Variants in PARD3B observed in about 807,000 individuals in gnomAD.
PARD3B encodes the protein partitioning defective 3 homolog B.
PARD3B carries 103 observed loss-of-function variants against 130.2 expected under a neutral mutation model. The ratio of observed to expected loss-of-function variants is 0.79; its 90% CI spans 0.67 to 0.93. The LOEUF (loss-of-function observed/expected upper bound fraction) is 0.93, where lower values mean the gene tolerates loss of function less well. Ranked by LOEUF, PARD3B falls within the 40% of genes least tolerant of loss-of-function variation. PARD3B has a pLI of 0.00. For missense variants in PARD3B, 1,609 were observed against 1,499.2 expected, an observed-to-expected ratio of 1.07 and a Z score of -1.21; for synonymous variants, 583 against 553.2, an observed-to-expected ratio of 1.05 and a Z score of -0.76.
intron 22 of PARD3B, among the ~76,000 whole-genome samples, chr2:205,576,197 C>G (rs751532660): frequency 2.0e-5 from 3 of 152,098 alleles, no homozygotes; most frequent in Non-Finnish European, 4.4e-5. Context: ...CTGTTAAGGT[C>G]TTTGGCCCAT....
intron 1 of PARD3B, among the ~76,000 whole-genome samples, chr2:204,585,116 G>C (rs2032759801): frequency 6.6e-6 from 1 of 152,140 alleles, no homozygotes; most frequent in South Asian, 2.1e-4. Context: ...TGCATGTGTT[G>C]GGTGGATACC....
chr2:205,202,300 G>T (rs1253171895), intron 15 of PARD3B, among the ~76,000 whole-genome samples: 1 of 152,162 alleles, frequency 6.6e-6, no homozygotes, highest in African/African-American at 2.4e-5. Context: ...AACCATTTGA[G>T]TTGGAAGCAA....
intron 3 of PARD3B, among the ~76,000 whole-genome samples, chr2:205,045,085 G>A (rs1241013943): frequency 1.3e-5 from 2 of 148,900 alleles, no homozygotes; most frequent in African/African-American, 4.9e-5. Context: ...TTCCTGATAT[G>A]TTTAAGAAAG....
chr2:205,110,602 T>G (rs1703559112), intron 5 of PARD3B, among the ~76,000 whole-genome samples: 1 of 151,874 alleles, frequency 6.6e-6, no homozygotes, highest in African/African-American at 2.4e-5. Flanking sequence ...AATATTTTTC[T>G]TTTATCTCAC....
rs747863617 is a variant in PARD3B, at chr2:205,264,137, C to T, written c.2185+18315C>T. 6.0e-5 allele frequency among the ~76,000 whole-genome samples: 9 copies of T among 150,862 alleles called. 1 individual carries two copies. Among genetic ancestry groups the T allele is most frequent in the South Asian group, 2.1e-4 (1 of 4,760 alleles). ...AATAGAAAGAATCATGAAGAAGGGT[C>T]AAGTTATGAGAATGAAAGTATGAGT... is the stretch of plus-strand genomic sequence containing the variant. On this transcript the variant is annotated intron_variant, in intron 16 of 22. Transcript: ENST00000406610.
rs1310544599 is a variant in PARD3B, at chr2:205,473,693, TATATATATATATATATAC to T, written c.3045-26201_3045-26184del. Among the ~76,000 whole-genome samples the T allele has an allele frequency of 1.4e-4, 18 of 130,726 alleles. No individual in the cohort carries two copies. Among genetic ancestry groups the T allele is most frequent in the African/African-American group, 4.0e-4 (11 of 27,582 alleles). 85.8% of individuals were successfully genotyped at this position (130,726 alleles called of 152,430 possible). ...GTGTGTGTGTGTGTATGTATATATA[TATATATATATATATATAC>T]ACACACACGTATATAAAACCCTAAA... is the stretch of plus-strand genomic sequence containing the variant. On this transcript the variant is annotated intron_variant, in intron 20 of 22. Transcript: ENST00000406610. The surrounding 1 kb of genome is among the most constrained non-coding windows in gnomAD (Gnocchi z 4.9).
chr2:204,631,283 C>G (rs1005245581), intron 1 of PARD3B, among the ~76,000 whole-genome samples: 2 of 149,468 alleles, frequency 1.3e-5, no homozygotes, highest in Admixed American at 6.7e-5. Flanking sequence ...CAGAGTCTCG[C>G]TCTGTCACCA....
intron 4 of PARD3B, among the ~76,000 whole-genome samples, chr2:205,072,715 T>C (rs1303879259): frequency 6.6e-6 from 1 of 152,212 alleles, no homozygotes; most frequent in East Asian, 1.9e-4. Flanking sequence ...AATAATATCC[T>C]TCTCTGTAAC....
rs1331020159 is a variant in PARD3B, at chr2:205,104,466, G to A, written c.545G>A (p.Gly182Asp). Residue 182 changes from glycine (G) to aspartate (D), a missense_variant, in exon 5 of 23, where the codon GGT becomes GAT. By Grantham distance (94) the Gly-to-Asp change is moderately conservative. Coordinates refer to ENST00000406610, the MANE Select transcript of PARD3B (RefSeq NM_001302769.2). ...QNLEDREVLN[G>D]VQTELLTSPR... Reference sequence around the variant, plus strand: ...TTGGAAGACAGAGAAGTTTTGAATGGTGTACAGACAGAACTACTAACTTCG... The same window carrying A: ...TTGGAAGACAGAGAAGTTTTGAATGATGTACAGACAGAACTACTAACTTCG... 4 of 1,603,342 alleles carry A rather than the reference G, an allele frequency of 2.5e-6. No homozygotes were observed. Among genetic ancestry groups the A allele is most frequent in the Admixed American group, 1.7e-5 (1 of 59,988 alleles).
At chr2:204,965,846 G>A (rs1691194883) in intron 3 of PARD3B, among the ~76,000 whole-genome samples, 1 of 152,148 alleles carries the variant, frequency 6.6e-6, no homozygotes, top group African/African-American at 2.4e-5. Context: ...CATTATATTT[G>A]TAGAATGAGA....
intron 3 of PARD3B, 88 bp downstream of exon 3, chr2:204,965,411 A>C: frequency 7.6e-7 from 1 of 1,316,750 alleles, no homozygotes; most frequent in South Asian, 1.3e-5. Context: ...TGTGACTTTC[A>C]TCCTGTTAAT....
intron 2 of PARD3B, among the ~76,000 whole-genome samples, chr2:204,754,177 A>T (rs530549507): frequency 4.6e-5 from 7 of 152,162 alleles, no homozygotes; most frequent in Non-Finnish European, 8.8e-5. Context: ...GGATCCATGG[A>T]CTTCTGTATT....
At chr2:205,140,095 C>A (rs916703726) in intron 10 of PARD3B, among the ~76,000 whole-genome samples, 1 of 152,202 alleles carries the variant, frequency 6.6e-6, no homozygotes, top group African/African-American at 2.4e-5. Context: ...AGCACACAGC[C>A]AGGCCAGGGG....
chr2:204,655,575 G>A (rs902139678), intron 1 of PARD3B, among the ~76,000 whole-genome samples: 9 of 152,150 alleles, frequency 5.9e-5, no homozygotes, highest in Admixed American at 5.9e-4. Context: ...TATTAAGCAT[G>A]TTTATAGTGT....
intron 3 of PARD3B, among the ~76,000 whole-genome samples, chr2:204,997,608 CTAA>C (rs1340048716): frequency 6.6e-6 from 1 of 151,634 alleles, no homozygotes; most frequent in Non-Finnish European, 1.5e-5. Context: ...TTCGTGGACA[CTAA>C]TAATTTAACT....
At chr2:205,334,951 G>C (rs186344621) in intron 18 of PARD3B, among the ~76,000 whole-genome samples, 507 of 152,224 alleles carry the variant, frequency 3.3e-3, no homozygotes, top group Admixed American at 6.6e-3. Flanking sequence ...GGTTTCATAC[G>C]TTTCTCCATG....
rs1359196645 is a variant in PARD3B at position 205,591,466 on chromosome 2, C to A, written c.3261-23990C>A. Among the ~76,000 whole-genome samples the A allele has an allele frequency of 2.0e-5, 3 of 152,210 alleles. No individual in the cohort carries two copies. On this transcript the variant is annotated intron_variant, in intron 22 of 22. Coordinates refer to ENST00000406610, the MANE Select transcript of PARD3B (RefSeq NM_001302769.2). The surrounding 1 kb of genome is among the most constrained non-coding windows in gnomAD (Gnocchi z 4.2). Reference sequence around the variant, plus strand: ...ACCATTATCAGTCACTTACCACACCCATGCACCATGCTGAGTGCTTTACAG... The same window carrying A: ...ACCATTATCAGTCACTTACCACACCAATGCACCATGCTGAGTGCTTTACAG...
chr2:205,166,867 G>A (rs931990047), intron 11 of PARD3B, among the ~76,000 whole-genome samples: 44 of 152,084 alleles, frequency 2.9e-4, no homozygotes, highest in African/African-American at 1.1e-3. Flanking sequence ...AATATCCCAG[G>A]AGGCCGTACC....
At chr2:204,936,184 C>T (rs1363350795) in intron 2 of PARD3B, among the ~76,000 whole-genome samples, 7 of 152,258 alleles carry the variant, frequency 4.6e-5, no homozygotes, top group African/African-American at 9.6e-5. Context: ...GTGCTTCATG[C>T]CACTGCTCCA....
Sources: gnomAD v4.1 joint callset for allele counts (sites outside exome capture counted in the v4.1 genomes callset) on GRCh38, gnomAD v4.1.1 for gene constraint, Gnocchi (gnomAD v3.1) non-coding constraint, MANE v1.5 for transcripts, NCBI Gene and HGNC (gene_info 2026-07-23, HGNC 2026-07-21) for gene names.